The following COL5A2 variants were observed in gnomAD, a reference collection of about 807,000 sequenced individuals.
COL5A2 encodes the protein collagen type V alpha 2 chain.
Under a neutral mutation model 208.2 loss-of-function variants are expected in COL5A2, and 23 were observed. That is an observed-to-expected ratio of 0.11 (90% CI 0.08 to 0.16). COL5A2 has a LOEUF of 0.16. COL5A2 is among the 10% of genes least tolerant of loss of function. COL5A2 has a pLI of 1.00. For missense variants in COL5A2, 1,590 were observed against 1,956.4 expected (o/e 0.81, Z 3.53); for synonymous variants, 625 against 628.5 (o/e 0.99, Z 0.08).
At chr2:189,276,235 T>G in the COL5A2 span, among the ~76,000 whole-genome samples, 1 of 152,220 alleles carries the variant, frequency 6.6e-6, no homozygotes, top group South Asian at 2.1e-4. Flanking sequence ...AATTTTTATC[T>G]CATCAACCAA....
chr2:189,224,263 T>C (rs993196189), intron 1 of COL5A2, among the ~76,000 whole-genome samples: 46 of 152,096 alleles, frequency 3.0e-4, no homozygotes, highest in Admixed American at 3.0e-3. Context: ...TGACTAATCA[T>C]GTAAAAAATA....
At chr2:189,432,136 C>A in the COL5A2 span, among the ~76,000 whole-genome samples, 2 of 152,176 alleles carry the variant, frequency 1.3e-5, no homozygotes, top group African/African-American at 2.4e-5. Flanking sequence ...CCTTTACCGA[C>A]AAGCAAATGC....
chr2:189,033,911 A>G lies in COL5A2; in HGVS notation c.*159T>C. On this transcript the variant is annotated 3_prime_UTR_variant, in exon 54 of 54. Coordinates refer to ENST00000374866, the MANE Select transcript of COL5A2 (RefSeq NM_000393.5). ...ATTGTAAGTAAAATAAATATTCTGA[A>G]GGATAAGGAGGCCAGGCACTTAAGA... is the stretch of plus-strand genomic sequence containing the variant. 3.6e-6 allele frequency: 3 copies of G among 832,336 alleles called. No homozygotes were observed. The highest frequency in any genetic ancestry group is 5.9e-6 in the Non-Finnish European group (3 of 507,398). 51.6% of individuals were successfully genotyped at this position (832,336 alleles called of 1,614,324 possible).
At chr2:189,104,329 G>T in intron 2 of COL5A2, 52 bp from the exon 3 acceptor site, 1 of 1,192,446 alleles carries the variant, frequency 8.4e-7, no homozygotes, top group Non-Finnish European at 1.3e-6. Context: ...CAATTATTGA[G>T]AATCTGCTAA....
At chr2:189,124,945 TA>T (rs1395282297) in intron 1 of COL5A2, among the ~76,000 whole-genome samples, 6 of 152,136 alleles carry the variant, frequency 3.9e-5, no homozygotes, top group Non-Finnish European at 8.8e-5. Flanking sequence ...TATGATCTAA[TA>T]AAAAATTCTA....
At chr2:189,213,398 A>G (rs1024198114) in intron 1 of COL5A2, among the ~76,000 whole-genome samples, 1 of 152,212 alleles carries the variant, frequency 6.6e-6, no homozygotes, top group Non-Finnish European at 1.5e-5. Flanking sequence ...AAACACTGAA[A>G]GTGTGCCAAA....
chr2:189,053,297 T>C, intron 38 of COL5A2, 127 bp downstream of exon 38: 3 of 869,224 alleles, frequency 3.5e-6, no homozygotes, highest in Non-Finnish European at 5.6e-6. Context: ...GTATTGAAAA[T>C]GAGAATATTG....
chr2:189,123,646 A>G (rs1206763825), intron 1 of COL5A2, among the ~76,000 whole-genome samples: 4 of 152,252 alleles, frequency 2.6e-5, no homozygotes, highest in Non-Finnish European at 5.9e-5. Flanking sequence ...AAAGTTTTGG[A>G]GAGATAAACA....
At chr2:189,415,882 G>A in the COL5A2 span, among the ~76,000 whole-genome samples, 12 of 152,048 alleles carry the variant, frequency 7.9e-5, no homozygotes, top group Non-Finnish European at 1.6e-4. Flanking sequence ...GGATGGTCTC[G>A]ATCTCCTGAC....
At chr2:189,335,150 C>T in the COL5A2 span, among the ~76,000 whole-genome samples, 3 of 151,980 alleles carry the variant, frequency 2.0e-5, no homozygotes, top group East Asian at 5.8e-4. Flanking sequence ...AACATCTTCA[C>T]GACCTTGAGG....
chr2:189,412,886 G>A, the COL5A2 span, among the ~76,000 whole-genome samples: 2 of 152,196 alleles, frequency 1.3e-5, no homozygotes, highest in South Asian at 4.1e-4. Flanking sequence ...TTGGATGGCA[G>A]TGAGTCGTAA....
chr2:189,193,140 TAA>T (rs1433432175), intron 1 of COL5A2, among the ~76,000 whole-genome samples: 1 of 152,244 alleles, frequency 6.6e-6, no homozygotes, highest in East Asian at 1.9e-4. Flanking sequence ...CTGTTCATTA[TAA>T]ATTACCCAGT....
At chr2:189,370,385 A>G in the COL5A2 span, among the ~76,000 whole-genome samples, 1 of 152,206 alleles carries the variant, frequency 6.6e-6, no homozygotes, top group Non-Finnish European at 1.5e-5. Flanking sequence ...GAGGTGTTCA[A>G]TGTGTTTTAT....
At chr2:189,195,473 T>C (rs1345455833) in intron 1 of COL5A2, among the ~76,000 whole-genome samples, 2 of 152,114 alleles carry the variant, frequency 1.3e-5, no homozygotes, top group East Asian at 3.9e-4. Flanking sequence ...ACTTTAAACT[T>C]CATATGGAAC....
intron 1 of COL5A2, among the ~76,000 whole-genome samples, chr2:189,154,385 G>A (rs1296529550): frequency 6.6e-6 from 1 of 152,166 alleles, no homozygotes; most frequent in East Asian, 1.9e-4. Flanking sequence ...CATTCGCTAG[G>A]AGAATCATAA....
intron 1 of COL5A2, among the ~76,000 whole-genome samples, chr2:189,154,169 G>A (rs1015680887): frequency 3.3e-5 from 5 of 152,046 alleles, no homozygotes; most frequent in Non-Finnish European, 7.4e-5. Context: ...CAGCTCTTTG[G>A]ATACCTTAAA....
chr2:189,268,597 T>C, the COL5A2 span, among the ~76,000 whole-genome samples: 1 of 152,110 alleles, frequency 6.6e-6, no homozygotes, highest in Non-Finnish European at 1.5e-5. Flanking sequence ...TCTTAACTGT[T>C]AAGTAGACAT....
the COL5A2 span, among the ~76,000 whole-genome samples, chr2:189,380,701 A>G: frequency 3.3e-5 from 5 of 151,960 alleles, no homozygotes; most frequent in Non-Finnish European, 7.4e-5. Flanking sequence ...AGAAAATAAA[A>G]TAAGTCATAT....
chr2:189,337,168 T>C, the COL5A2 span, among the ~76,000 whole-genome samples: 10 of 151,276 alleles, frequency 6.6e-5, no homozygotes, highest in Admixed American at 6.6e-4. Context: ...AAGTGTTTTT[T>C]GACATCATTT....
Sources: allele counts gnomAD v4.1 joint callset (sites outside exome capture counted in the v4.1 genomes callset), GRCh38; gene constraint gnomAD v4.1.1; transcripts MANE v1.5; gene names NCBI Gene and HGNC (gene_info 2026-07-23, HGNC 2026-07-21).